KIAA1217: variants seen among roughly 807,000 people sequenced by gnomAD.
The protein encoded by KIAA1217 is sickle tail protein homolog.
KIAA1217 carries 88 observed loss-of-function variants against 163.9 expected under a neutral mutation model. That is an observed-to-expected ratio of 0.54 (90% CI 0.45 to 0.64). The LOEUF (loss-of-function observed/expected upper bound fraction) is 0.64, where lower values mean the gene tolerates loss of function less well. KIAA1217 is among the 30% of genes least tolerant of loss of function. The pLI is 0.00. For missense variants in KIAA1217, 2,372 were observed against 2,475.0 expected (o/e 0.96, Z 0.88); for synonymous variants, 903 against 923.1 (o/e 0.98, Z 0.39).
At chr10:24,103,889 A>T (rs2062517290) in intron 2 of KIAA1217, among the ~76,000 whole-genome samples, 1 of 152,200 alleles carries the variant, frequency 6.6e-6, no homozygotes, top group Non-Finnish European at 1.5e-5. Context: ...AGCCAAAAGA[A>T]TGAATTCTCT....
intron 2 of KIAA1217, among the ~76,000 whole-genome samples, chr10:24,249,617 A>G (rs1158823826): frequency 6.6e-6 from 1 of 152,242 alleles, no homozygotes; most frequent in Non-Finnish European, 1.5e-5. Context: ...CCAATGCAAT[A>G]CAATAAAAAT....
intron 2 of KIAA1217, among the ~76,000 whole-genome samples, chr10:24,020,456 G>C (rs923121603): frequency 6.6e-6 from 1 of 152,048 alleles, no homozygotes; most frequent in African/African-American, 2.4e-5. Context: ...CAGTGGACAA[G>C]CAAGAAACTT....
chr10:23,705,759 T>A (rs1319610126), intron 1 of KIAA1217, among the ~76,000 whole-genome samples: 1 of 152,192 alleles, frequency 6.6e-6, no homozygotes, highest in Non-Finnish European at 1.5e-5. Flanking sequence ...GGCCTGCTTA[T>A]CAATTTCTGT....
chr10:24,435,798 T>G (rs1049596355), intron 4 of KIAA1217, among the ~76,000 whole-genome samples: 1 of 152,122 alleles, frequency 6.6e-6, no homozygotes, highest in African/African-American at 2.4e-5. Context: ...AAACCATCAG[T>G]CAATATGTTG....
At chr10:23,964,981 A>G (rs958516258) in intron 1 of KIAA1217, among the ~76,000 whole-genome samples, 5 of 152,212 alleles carry the variant, frequency 3.3e-5, no homozygotes, top group Non-Finnish European at 2.9e-5. Flanking sequence ...GATGACTTCT[A>G]TTAGAGGCAA....
intron 1 of KIAA1217, among the ~76,000 whole-genome samples, chr10:23,737,711 A>G (rs1838893075): frequency 6.6e-6 from 1 of 152,208 alleles, no homozygotes; most frequent in Admixed American, 6.5e-5. Context: ...CTGTATCATA[A>G]TAAAATTATT....
chr10:24,301,851 C>A (rs2041384550), intron 2 of KIAA1217, among the ~76,000 whole-genome samples: 1 of 151,972 alleles, frequency 6.6e-6, no homozygotes, highest in Non-Finnish European at 1.5e-5. Context: ...TCGAGACCAG[C>A]CTGGTCAATG....
At chr10:24,209,528 G>T in intron 1 of KIAA1217, among the ~76,000 whole-genome samples, 1 of 152,174 alleles carries the variant, frequency 6.6e-6, no homozygotes, top group Non-Finnish European at 1.5e-5. Context: ...CCATCAGCAT[G>T]AGCTGTATCT....
intron 2 of KIAA1217, among the ~76,000 whole-genome samples, chr10:24,244,771 C>T (rs1455344361): frequency 6.6e-6 from 1 of 151,870 alleles, no homozygotes; most frequent in Non-Finnish European, 1.5e-5. Context: ...TGCCGTGTTA[C>T]CCAGGCTGAT....
chr10:23,957,458 A>G (rs1241506890), intron 1 of KIAA1217, among the ~76,000 whole-genome samples: 1 of 152,210 alleles, frequency 6.6e-6, no homozygotes, highest in Non-Finnish European at 1.5e-5. Context: ...ATAGTGACTC[A>G]CACCTGTAAT....
chr10:24,388,092 G>A (rs1341844601), intron 3 of KIAA1217, among the ~76,000 whole-genome samples: 1 of 152,188 alleles, frequency 6.6e-6, no homozygotes, highest in Non-Finnish European at 1.5e-5. Flanking sequence ...AGGCTGTATA[G>A]CCAAGACAAT....
intron 2 of KIAA1217, among the ~76,000 whole-genome samples, chr10:24,063,732 A>G (rs1369417088): frequency 1.3e-5 from 2 of 152,188 alleles, no homozygotes; most frequent in Non-Finnish European, 2.9e-5. Flanking sequence ...TACCTTGGGT[A>G]GTATGGCCAT....
At chr10:23,993,223 G>C (rs901736857) in intron 1 of KIAA1217, among the ~76,000 whole-genome samples, 18 of 151,482 alleles carry the variant, frequency 1.2e-4, no homozygotes, top group Middle Eastern at 3.2e-3. Flanking sequence ...GTAGAGATGG[G>C]GTTTCACCAT....
In KIAA1217 at chr10:24,543,212, G is replaced by A. The variant is rs989234691; in HGVS notation, c.3942G>A (p.Thr1314=). 28 of 1,613,256 alleles carry A rather than the reference G, an allele frequency of 1.7e-5. No individual in the cohort carries two copies. Among genetic ancestry groups the A allele is most frequent in the African/African-American group, 5.4e-5 (4 of 74,692 alleles). ...CAAAGGAGATGGAAAAGCAAAATAC[G>A]GATAAGTGTCACGTTTCCTCTCACA... The part of the protein sequence containing the change: ...GKTKEMEKQN[T]DKCHVSSHTR... Residue 1314 remains threonine (T), a synonymous_variant, in exon 19 of 21, where the codon ACG becomes ACA. Coordinates refer to ENST00000376454, the MANE Select transcript of KIAA1217 (RefSeq NM_019590.5).
At chr10:24,111,556 T>C (rs1208191247) in intron 2 of KIAA1217, among the ~76,000 whole-genome samples, 1 of 152,216 alleles carries the variant, frequency 6.6e-6, no homozygotes, top group Non-Finnish European at 1.5e-5. Flanking sequence ...AAATGTTTTT[T>C]GATTTGTGAA....
chr10:24,140,419 G>A (rs951207228), intron 2 of KIAA1217, among the ~76,000 whole-genome samples: 1 of 151,334 alleles, frequency 6.6e-6, no homozygotes, highest in Non-Finnish European at 1.5e-5. Context: ...CAAATTGTCA[G>A]CAACACTTTT....
chr10:24,514,408 G>A (rs1000070277), intron 10 of KIAA1217, among the ~76,000 whole-genome samples: 4 of 152,028 alleles, frequency 2.6e-5, no homozygotes, highest in Admixed American at 6.6e-5. Flanking sequence ...GGCTCGTGTC[G>A]CCCTGGATGC....
At chr10:24,518,970 T>G (rs565760752) in intron 10 of KIAA1217, among the ~76,000 whole-genome samples, 17 of 152,340 alleles carry the variant, frequency 1.1e-4, no homozygotes, top group African/African-American at 4.1e-4. Flanking sequence ...AGGAATTTGT[T>G]ATTTTCCCTT....
intron 2 of KIAA1217, among the ~76,000 whole-genome samples, chr10:24,278,151 A>C (rs2077515059): frequency 1.3e-5 from 2 of 152,200 alleles, no homozygotes; most frequent in South Asian, 4.1e-4. Context: ...GAGCAGGCCA[A>C]AACACTGTGG....
Sources: gnomAD v4.1 joint callset for allele counts (sites outside exome capture counted in the v4.1 genomes callset) on GRCh38, gnomAD v4.1.1 for gene constraint, MANE v1.5 for transcripts, NCBI Gene and HGNC (gene_info 2026-07-23, HGNC 2026-07-21) for gene names.